SMG7: variants seen among roughly 807,000 people sequenced by gnomAD.
SMG7 encodes SMG7 nonsense mediated mRNA decay factor, also known as nonsense-mediated mRNA decay factor SMG7.
A neutral mutation model predicts 148.2 loss-of-function variants in SMG7; 34 were observed. The observed-to-expected ratio is 0.23, with a 90% CI of 0.17 to 0.31. SMG7 has a LOEUF of 0.31. Ranked by LOEUF, SMG7 falls within the 10% of genes least tolerant of loss-of-function variation. The pLI, the probability that SMG7 is intolerant of heterozygous loss-of-function variation, is 1.00. For missense variants in SMG7, 1,114 were observed against 1,408.4 expected (o/e 0.79, Z 3.35); for synonymous variants, 492 against 515.1 (o/e 0.96, Z 0.61).
chr1:183,512,983 G>A (rs1220396904), intron 2 of SMG7, 115 bp downstream of exon 2: 1 of 894,806 alleles, frequency 1.1e-6, no homozygotes, highest in Non-Finnish European at 1.7e-6. Flanking sequence ...TGCCAAAAGG[G>A]ATGATCATTT....
chr1:183,508,165 A>C, intron 1 of SMG7: 1 of 965,906 alleles, frequency 1.0e-6, no homozygotes. Flanking sequence ...TTTATAACAA[A>C]ACCATAGAAC....
intron 1 of SMG7, among the ~76,000 whole-genome samples, chr1:183,486,749 G>A (rs1336971690): frequency 6.6e-6 from 1 of 151,916 alleles, no homozygotes; most frequent in Admixed American, 6.6e-5. Flanking sequence ...GTGTCACCCA[G>A]GCTGGACTCC....
At chr1:183,544,853 T>A (rs1473492953) in intron 15 of SMG7, 77 bp from the exon 16 acceptor site, 1 of 1,457,414 alleles carries the variant, frequency 6.9e-7, no homozygotes, top group East Asian at 2.3e-5. Context: ...TCTACCTACC[T>A]GTTAAAAAAA....
Position 183,527,541 on chromosome 1 carries a change from T to C in SMG7, c.485-415T>C, listed in dbSNP as rs1666096362. 4.4e-6 allele frequency: 2 copies of C among 451,000 alleles called. No individual in the cohort carries two copies. The highest frequency in any genetic ancestry group is 9.2e-6 in the Non-Finnish European group (2 of 216,234). The allele number at this position is 451,000 out of a possible 1,614,324, so 27.9% of individuals were successfully genotyped here. A position where few individuals can be genotyped will look rare whatever the true frequency, so the allele number is the denominator to read the frequency against. ...ATATTGCAATAGGAATGAGACATTT[T>C]TCAAAATCACTTTATAAAATATTGA... On this transcript the variant is annotated intron_variant, in intron 5 of 22. Coordinates refer to ENST00000688051, the MANE Select transcript of SMG7 (RefSeq NM_001375584.1). This position sits in a 1 kb window ranked among gnomAD's most constrained non-coding sequence, Gnocchi z 4.0.
At chr1:183,537,236 G>T in intron 11 of SMG7, 21 bp downstream of exon 11, 1 of 1,552,142 alleles carries the variant, frequency 6.4e-7, no homozygotes, top group Non-Finnish European at 8.9e-7. Context: ...CCCTAACCTT[G>T]TGTTGTTGAT....
chr1:183,552,928 C>A lies in SMG7; in HGVS notation c.*997C>A. 1.3e-6 allele frequency: 2 copies of A among 1,521,816 alleles called. No homozygotes were observed. The highest frequency in any genetic ancestry group is 4.9e-5 in the East Asian group (2 of 40,562). 94.3% of individuals were successfully genotyped at this position (1,521,816 alleles called of 1,614,324 possible). A position where few individuals can be genotyped will look rare whatever the true frequency, so the allele number is the denominator to read the frequency against. On this transcript the variant is annotated 3_prime_UTR_variant, in exon 23 of 23. Transcript: ENST00000688051. Reference sequence around the variant, plus strand: ...CCCTTCTTTTACCCAATGCTGTATGCTAGTAATTGTTTTTATTCCTAATGT... The same window carrying A: ...CCCTTCTTTTACCCAATGCTGTATGATAGTAATTGTTTTTATTCCTAATGT...
intron 7 of SMG7, 59 bp from the exon 8 acceptor site, chr1:183,529,339 T>G: frequency 6.3e-7 from 1 of 1,580,640 alleles, no homozygotes; most frequent in Non-Finnish European, 8.6e-7. Flanking sequence ...AGTGCCTCCT[T>G]AAACAGTTGT....
Position 183,551,912 on chromosome 1 carries a change from C to G in SMG7, c.3545C>G (p.Thr1182Ser). The G allele has an allele frequency of 1.9e-6, 3 of 1,613,774 alleles. No homozygotes were observed. The South Asian group carries it at 3.3e-5, about 18-fold the overall frequency. The change falls in exon 23 of 23, where the codon ACC becomes AGC. Residue 1182 changes from threonine (T) to serine (S), a missense_variant. Thr to Ser is a moderately conservative substitution (Grantham distance 58). Transcript: ENST00000688051. ...QKQKQQRGQG[T>S]MNPPH ...CAGAAACAGCAACGGGGACAAGGCACCATGAACCCTCCACACTGAGGCCAA... is the reference window on the plus strand; with the variant it reads ...CAGAAACAGCAACGGGGACAAGGCAGCATGAACCCTCCACACTGAGGCCAA...
At chr1:183,547,321 C>A in intron 18 of SMG7, 69 bp downstream of exon 18, 1 of 1,357,478 alleles carries the variant, frequency 7.4e-7, no homozygotes, top group Non-Finnish European at 9.9e-7. Context: ...CTGTAGTACA[C>A]AGATTAGGTG....
At chr1:183,521,358 C>T (rs1664724462) in intron 4 of SMG7, among the ~76,000 whole-genome samples, 1 of 152,166 alleles carries the variant, frequency 6.6e-6, no homozygotes, top group Non-Finnish European at 1.5e-5. Context: ...CTCTGCCTCC[C>T]CTAAGTGCTG....
intron 18 of SMG7, among the ~76,000 whole-genome samples, chr1:183,548,530 A>T (rs1053949675): frequency 5.9e-5 from 9 of 151,988 alleles, no homozygotes; most frequent in Non-Finnish European, 8.8e-5. Context: ...AACAATGAAT[A>T]AAAAAAACTT....
intron 10 of SMG7, among the ~76,000 whole-genome samples, chr1:183,536,029 C>T (rs928577289): frequency 3.9e-5 from 6 of 152,018 alleles, no homozygotes; most frequent in African/African-American, 1.4e-4. Context: ...GTACAACTGT[C>T]CCAAATAGTT....
Position 183,547,304 on chromosome 1 carries a change from T to C in SMG7, c.2892+52T>C. 6 of 1,482,156 alleles carry C rather than the reference T, an allele frequency of 4.0e-6. No homozygotes were observed. The East Asian group carries it at 1.5e-4, about 36-fold the overall frequency. 91.8% of individuals were successfully genotyped at this position (1,482,156 alleles called of 1,614,324 possible). ...TTGGTCTAACCCCCAGCTGCTTCTCTGAGATACTGTAGTACACAGATTAGG... is the reference window on the plus strand; with the variant it reads ...TTGGTCTAACCCCCAGCTGCTTCTCCGAGATACTGTAGTACACAGATTAGG... On this transcript the variant is annotated intron_variant, in intron 18 of 22. Transcript: ENST00000688051.
At chr1:183,517,412 A>G (rs1663789008) in intron 3 of SMG7, among the ~76,000 whole-genome samples, 1 of 152,212 alleles carries the variant, frequency 6.6e-6, no homozygotes, top group Non-Finnish European at 1.5e-5. Flanking sequence ...GGATTCCTAA[A>G]TAAACTCTAG....
intron 1 of SMG7, among the ~76,000 whole-genome samples, chr1:183,485,598 G>C (rs1274497997): frequency 6.6e-6 from 1 of 152,182 alleles, no homozygotes; most frequent in East Asian, 1.9e-4. Flanking sequence ...GGAATATTGA[G>C]AACCAGCTAT....
In SMG7 at chr1:183,550,132, A is replaced by G. The variant is rs1670729184; in HGVS notation, c.3133+209A>G. The G allele has an allele frequency of 6.1e-6, 3 of 494,250 alleles. No homozygotes were observed. In the South Asian group the frequency reaches 9.5e-5, roughly 16 times the overall value. The allele number at this position is 494,250 out of a possible 1,614,324, so 30.6% of individuals were successfully genotyped here. ...AAATGCTACTGACAAAACTTTTTACATCCTCAGTAGCCAGCAGAGATGTAA... is the reference window on the plus strand; with the variant it reads ...AAATGCTACTGACAAAACTTTTTACGTCCTCAGTAGCCAGCAGAGATGTAA... On this transcript the variant is annotated intron_variant, in intron 20 of 22. Transcript: ENST00000688051.
At chr1:183,473,870 TG>T in intron 1 of SMG7, 1 of 985,454 alleles carries the variant, frequency 1.0e-6, no homozygotes, top group Non-Finnish European at 1.2e-6. Context: ...TATTGACGTG[TG>T]TGGATCCCTA....
intron 1 of SMG7, among the ~76,000 whole-genome samples, chr1:183,489,303 A>G (rs1177238867): frequency 1.3e-5 from 2 of 152,138 alleles, no homozygotes; most frequent in Non-Finnish European, 2.9e-5. Flanking sequence ...GGTTCTTGTC[A>G]GATCTTTCTG....
Position 183,533,705 on chromosome 1 carries a change from C to T in SMG7, c.1036C>T (p.Pro346Ser), listed in dbSNP as rs1258676965. 1 of 1,611,506 alleles carries T rather than the reference C, an allele frequency of 6.2e-7. No individual in the cohort carries two copies. Among genetic ancestry groups the T allele is most frequent in the African/African-American group, 1.3e-5 (1 of 74,576 alleles). The change falls in exon 10 of 23, where the codon CCT becomes TCT. Residue 346 changes from proline (P) to serine (S), a missense_variant. Pro to Ser is a moderately conservative substitution (Grantham distance 74). Coordinates refer to ENST00000688051, the MANE Select transcript of SMG7 (RefSeq NM_001375584.1). ...MSFLGILCKC[P>S]LQNESQEESY... ...TTTTCTTGGCATCCTGTGCAAGTGT[C>T]CTCTACAGAATGAGTCTCAGGAGGA...
Sources: gnomAD v4.1 joint callset for allele counts (sites outside exome capture counted in the v4.1 genomes callset) on GRCh38, gnomAD v4.1.1 for gene constraint, Gnocchi (gnomAD v3.1) non-coding constraint, MANE v1.5 for transcripts, NCBI Gene and HGNC (gene_info 2026-07-23, HGNC 2026-07-21) for gene names.